RXRA: variants seen among roughly 807,000 people sequenced by gnomAD.
RXRA encodes retinoid X receptor alpha, also known as retinoic acid receptor RXR-alpha.
In RXRA, 5 loss-of-function variants were observed where a neutral mutation model predicts 44.5. The ratio of observed to expected loss-of-function variants is 0.11; its 90% CI spans 0.06 to 0.24. The LOEUF is 0.24. RXRA is among the 10% of genes least tolerant of loss of function. RXRA has a pLI of 1.00. For missense variants in RXRA, 412 were observed against 646.5 expected, an observed-to-expected ratio of 0.64 and a Z score of 3.93; for synonymous variants, 291 against 271.4, an observed-to-expected ratio of 1.07 and a Z score of -0.71.
Position 134,426,140 on chromosome 9 carries a change from G to T in RXRA, c.911-2968G>T. 1 of 985,410 alleles carries T rather than the reference G, an allele frequency of 1.0e-6. No individual in the cohort carries two copies. Among genetic ancestry groups the T allele is most frequent in the Non-Finnish European group, 1.2e-6 (1 of 829,926 alleles). 61.0% of individuals were successfully genotyped at this position (985,410 alleles called of 1,614,324 possible). A position where few individuals can be genotyped will look rare whatever the true frequency, so the allele number is the denominator to read the frequency against. ...GGAGGACATAGTGACCAAGGGAGCA[G>T]CCCCAGGCAAGACTCTTTGTCCTGC... On this transcript the variant is annotated intron_variant, in intron 6 of 9. Transcript: ENST00000481739. This position sits in a 1 kb window ranked among gnomAD's most constrained non-coding sequence, Gnocchi z 4.6.
At chr9:134,359,208 C>G (rs1830319572) in intron 1 of RXRA, among the ~76,000 whole-genome samples, 1 of 152,128 alleles carries the variant, frequency 6.6e-6, no homozygotes, top group Non-Finnish European at 1.5e-5. Context: ...AGAACACTCA[C>G]TCCACTGAAT....
At chr9:134,334,031 C>G (rs1294202846) in intron 1 of RXRA, among the ~76,000 whole-genome samples, 3 of 152,246 alleles carry the variant, frequency 2.0e-5, no homozygotes, top group East Asian at 3.9e-4. Flanking sequence ...AGCCTGCATT[C>G]AGCTCCCGCT....
chr9:134,329,135 C>G (rs1834962611), intron 1 of RXRA, among the ~76,000 whole-genome samples: 1 of 152,164 alleles, frequency 6.6e-6, no homozygotes, highest in Admixed American at 6.5e-5. Flanking sequence ...TGTGGAGAGA[C>G]CCGGTGGCAA....
chr9:134,427,170 C>CAAAAAAA, intron 6 of RXRA: 1 of 815,610 alleles, frequency 1.2e-6, no homozygotes, highest in African/African-American at 2.1e-5. Context: ...TGGGCAAAAA[C>CAAAAAAA]AAAAAAAAAA....
At position 134,365,689 on chromosome 9, in the gene RXRA, G is replaced by C. The variant is rs1830405690; in HGVS notation, c.29-35943G>C. On this transcript the variant is annotated intron_variant, in intron 1 of 9. Coordinates refer to ENST00000481739, the MANE Select transcript of RXRA (RefSeq NM_002957.6). The surrounding 1 kb of genome is among the most constrained non-coding windows in gnomAD (Gnocchi z 4.0). ...AGTTTCAGGTCTGTTCTTGGTGGCT[G>C]TTAACTCTAGGCCAGATGTAGCCCT... Among the ~76,000 whole-genome samples, 1 of 151,974 alleles carries C rather than the reference G, an allele frequency of 6.6e-6. No individual in the cohort carries two copies. Among genetic ancestry groups the C allele is most frequent in the Non-Finnish European group, 1.5e-5 (1 of 67,970 alleles).
chr9:134,428,133 A>G (rs1588307382), intron 6 of RXRA, among the ~76,000 whole-genome samples: 1 of 152,104 alleles, frequency 6.6e-6, no homozygotes, highest in Admixed American at 6.5e-5. Flanking sequence ...CTGGAACCTC[A>G]TGTTGAGGGG....
chr9:134,360,487 C>T (rs182546174), intron 1 of RXRA, among the ~76,000 whole-genome samples: 137 of 152,346 alleles, frequency 9.0e-4, no homozygotes, highest in African/African-American at 3.1e-3. Context: ...CTCCGTTTCC[C>T]TTTCTGAAGG....
rs1249945131 is a variant in RXRA, at chr9:134,365,031, C to T, written c.29-36601C>T. Among the ~76,000 whole-genome samples, 1 of 152,220 alleles carries T rather than the reference C, an allele frequency of 6.6e-6. No individual in the cohort carries two copies. The highest frequency in any genetic ancestry group is 2.4e-5 in the African/African-American group (1 of 41,454). On this transcript the variant is annotated intron_variant, in intron 1 of 9. Coordinates refer to ENST00000481739, the MANE Select transcript of RXRA (RefSeq NM_002957.6). This position sits in a 1 kb window ranked among gnomAD's most constrained non-coding sequence, Gnocchi z 4.0. ...AGGGGTGTGCCCTGTCCCGGTTGCC[C>T]AGCTGGGGGATGGGGCAGGCCCACA...
intron 4 of RXRA, among the ~76,000 whole-genome samples, chr9:134,416,311 C>G (rs572645159): frequency 3.9e-5 from 6 of 152,280 alleles, no homozygotes; most frequent in Non-Finnish European, 7.4e-5. Flanking sequence ...CCTCAGGCCC[C>G]TTTGCTGAGC....
rs75723204 is a variant in RXRA at position 134,333,025 on chromosome 9, C to T, written c.28+6366C>T. Among the ~76,000 whole-genome samples, 230 of 152,206 alleles carry T rather than the reference C, an allele frequency of 1.5e-3. 1 individual carries two copies. Among genetic ancestry groups the T allele is most frequent in the East Asian group, 6.0e-3 (31 of 5,166 alleles). ...TTCCCTGGCCCTGGCTCCGGCCCCCCCTGCACTCCCCAGGCTCTGGATGAA... is the reference window on the plus strand; with the variant it reads ...TTCCCTGGCCCTGGCTCCGGCCCCCTCTGCACTCCCCAGGCTCTGGATGAA... On this transcript the variant is annotated intron_variant, in intron 1 of 9. Coordinates refer to ENST00000481739, the MANE Select transcript of RXRA (RefSeq NM_002957.6).
At position 134,433,137 on chromosome 9, in the gene RXRA, G is replaced by A. The variant is rs1211635226; in HGVS notation, c.1136-965G>A. On this transcript the variant is annotated intron_variant, in intron 8 of 9. Transcript: ENST00000481739. This position sits in a 1 kb window ranked among gnomAD's most constrained non-coding sequence, Gnocchi z 4.2. ...AGGGACCGGGCCGGGATGGAGATGGGCATCTTCTTGTGGGGAGAGCTTGTT... is the reference window on the plus strand; with the variant it reads ...AGGGACCGGGCCGGGATGGAGATGGACATCTTCTTGTGGGGAGAGCTTGTT... Among the ~76,000 whole-genome samples, 1 of 152,130 alleles carries A rather than the reference G, an allele frequency of 6.6e-6. No homozygotes were observed. The highest frequency in any genetic ancestry group is 1.5e-5 in the Non-Finnish European group (1 of 68,012).
rs1316087736 is a variant in RXRA, at chr9:134,365,515, C to T, written c.29-36117C>T. ...CGCTGCCCCTGCCTCCTGTCTCTGGCTGTGGCCATGGCTGTGTGGACCAGG... is the reference window on the plus strand; with the variant it reads ...CGCTGCCCCTGCCTCCTGTCTCTGGTTGTGGCCATGGCTGTGTGGACCAGG... On this transcript the variant is annotated intron_variant, in intron 1 of 9. Coordinates refer to ENST00000481739, the MANE Select transcript of RXRA (RefSeq NM_002957.6). The surrounding 1 kb of genome is among the most constrained non-coding windows in gnomAD (Gnocchi z 4.0). Among the ~76,000 whole-genome samples the T allele has an allele frequency of 6.6e-6, 1 of 152,030 alleles. No homozygotes were observed. The highest frequency in any genetic ancestry group is 2.4e-5 in the African/African-American group (1 of 41,364).
intron 1 of RXRA, among the ~76,000 whole-genome samples, chr9:134,351,536 C>G (rs1564265857): frequency 6.6e-6 from 1 of 152,244 alleles, no homozygotes; most frequent in Non-Finnish European, 1.5e-5. Context: ...CAATCCCTTC[C>G]CTGGCCTGTG....
intron 1 of RXRA, among the ~76,000 whole-genome samples, chr9:134,395,741 T>TG (rs1183088078): frequency 6.6e-6 from 1 of 152,252 alleles, no homozygotes; most frequent in Admixed American, 6.5e-5. Flanking sequence ...GACCCTGCTT[T>TG]GGGGCCCTCA....
intron 1 of RXRA, among the ~76,000 whole-genome samples, chr9:134,364,661 C>G (rs1830392397): frequency 6.6e-6 from 1 of 152,100 alleles, no homozygotes; most frequent in Admixed American, 6.5e-5. Context: ...GCCCTGGGTG[C>G]TCTGTGGCTC....
chr9:134,339,548 TGA>T (rs1446519293), intron 1 of RXRA, among the ~76,000 whole-genome samples: 44 of 150,712 alleles, frequency 2.9e-4, no homozygotes, highest in East Asian at 7.8e-4. Flanking sequence ...CGTGTGTGTG[TGA>T]GTCTCTGCAT....
chr9:134,379,376 T>C, intron 1 of RXRA: 4 of 987,514 alleles, frequency 4.1e-6, no homozygotes, highest in Non-Finnish European at 4.8e-6. Context: ...CTGGCTGTCC[T>C]GTGGTGAGCT....
At position 134,433,063 on chromosome 9, in the gene RXRA, G is replaced by C. The variant is rs1831558065; in HGVS notation, c.1136-1039G>C. Among the ~76,000 whole-genome samples, 2 of 152,130 alleles carry C rather than the reference G, an allele frequency of 1.3e-5. No individual in the cohort carries two copies. Among genetic ancestry groups the C allele is most frequent in the South Asian group, 4.1e-4 (2 of 4,828 alleles). On this transcript the variant is annotated intron_variant, in intron 8 of 9. Coordinates refer to ENST00000481739, the MANE Select transcript of RXRA (RefSeq NM_002957.6). This position sits in a 1 kb window ranked among gnomAD's most constrained non-coding sequence, Gnocchi z 4.2. Reference sequence around the variant, plus strand: ...TGGTGGAGGGAGTGGAGCCCTCTCGGCTCCTGGCCCTGACCTTCTGACCTT... The same window carrying C: ...TGGTGGAGGGAGTGGAGCCCTCTCGCCTCCTGGCCCTGACCTTCTGACCTT...
At chr9:134,387,429 TC>T (rs1830736254) in intron 1 of RXRA, among the ~76,000 whole-genome samples, 1 of 152,208 alleles carries the variant, frequency 6.6e-6, no homozygotes, top group Non-Finnish European at 1.5e-5. Context: ...TCAAACCAGA[TC>T]GGTCTGGCCA....
Sources: allele counts gnomAD v4.1 joint callset (sites outside exome capture counted in the v4.1 genomes callset), GRCh38; gene constraint gnomAD v4.1.1; non-coding constraint Gnocchi (gnomAD v3.1); transcripts MANE v1.5; gene names NCBI Gene and HGNC (gene_info 2026-07-23, HGNC 2026-07-21).